Variants in BICD1 observed in about 807,000 individuals in gnomAD.
BICD1 encodes the protein protein bicaudal D homolog 1.
A neutral mutation model predicts 92.5 loss-of-function variants in BICD1; 35 were observed. That is an observed-to-expected ratio of 0.38 (90% confidence interval 0.29 to 0.50). BICD1 has a LOEUF of 0.50. Among genes scored for constraint, BICD1 ranks in the 20% least tolerant of loss-of-function variants. The pLI, the probability that BICD1 is intolerant of heterozygous loss-of-function variation, is 0.93. For missense variants in BICD1, 950 were observed against 1,189.8 expected (o/e 0.80, Z 2.97); for synonymous variants, 429 against 465.1 (o/e 0.92, Z 1.00).
intron 1 of BICD1, 64 bp from the exon 2 acceptor site, chr12:32,216,181 CAA>C: frequency 6.6e-7 from 1 of 1,521,714 alleles, no homozygotes; most frequent in Non-Finnish European, 9.0e-7. Flanking sequence ...AACATTTTCC[CAA>C]GTCTTAAAAG....
intron 5 of BICD1, among the ~76,000 whole-genome samples, chr12:32,329,446 A>G (rs75701507): frequency 0.013 from 2,018 of 152,298 alleles, 43 homozygotes; most frequent in African/African-American, 0.045. Context: ...CCAAACTTAG[A>G]GAAACAAGAG....
intron 2 of BICD1, among the ~76,000 whole-genome samples, chr12:32,256,924 A>G (rs182570252): frequency 6.6e-6 from 1 of 152,302 alleles, no homozygotes; most frequent in East Asian, 1.9e-4. Context: ...ATGATATAAA[A>G]TCTTTTCTGG....
chr12:32,312,506 C>G (rs1243531093), intron 4 of BICD1, among the ~76,000 whole-genome samples: 2 of 152,154 alleles, frequency 1.3e-5, no homozygotes, highest in Non-Finnish European at 2.9e-5. Flanking sequence ...AAGGTCCCCA[C>G]TATCCCTGTG....
chr12:32,148,418 C>G (rs1943182892), intron 1 of BICD1, among the ~76,000 whole-genome samples: 1 of 152,210 alleles, frequency 6.6e-6, no homozygotes, highest in African/African-American at 2.4e-5. Context: ...CTGTCCTTCT[C>G]TGACCTCTCG....
chr12:32,324,767 A>G (rs946392445), intron 4 of BICD1, among the ~76,000 whole-genome samples: 2 of 151,754 alleles, frequency 1.3e-5, no homozygotes, highest in East Asian at 3.9e-4. Flanking sequence ...TTTAGTAGAG[A>G]CGGGGTTTCA....
rs772125378 is a variant in BICD1 at position 32,327,760 on chromosome 12, G to A, written c.1305G>A (p.Lys435=). 6.2e-7 allele frequency: 1 copy of A among 1,614,090 alleles called. No homozygotes were observed. The highest frequency in any genetic ancestry group is 8.5e-7 in the Non-Finnish European group (1 of 1,180,016). ...TEVIDLKAEI[K]ALKEKYNKSV... ...TGATTGATCTGAAAGCTGAAATTAA[G>A]GCCTTAAAGGAGAAATATAATAAAT... Residue 435 remains lysine (K), a synonymous_variant, in exon 5 of 10, where the codon AAG becomes AAA. Coordinates refer to ENST00000652176, the MANE Select transcript of BICD1 (RefSeq NM_001714.4).
intron 1 of BICD1, among the ~76,000 whole-genome samples, chr12:32,114,004 G>A (rs967716684): frequency 6.6e-6 from 1 of 152,070 alleles, no homozygotes; most frequent in African/African-American, 2.4e-5. Context: ...CCTGTAGATG[G>A]GATTATAGGC....
chr12:32,279,294 A>G (rs995202599), intron 2 of BICD1, among the ~76,000 whole-genome samples: 2 of 152,222 alleles, frequency 1.3e-5, no homozygotes, highest in Non-Finnish European at 2.9e-5. Context: ...AATGTTCTAA[A>G]TTGATTGCGG....
At chr12:32,146,629 A>T (rs1393049473) in intron 1 of BICD1, among the ~76,000 whole-genome samples, 1 of 152,214 alleles carries the variant, frequency 6.6e-6, no homozygotes, top group Non-Finnish European at 1.5e-5. Flanking sequence ...AGAGGTACAG[A>T]TGGAGACCTA....
chr12:32,302,021 G>T (rs547365654), intron 3 of BICD1, among the ~76,000 whole-genome samples: 352 of 152,074 alleles, frequency 2.3e-3, no homozygotes, highest in African/African-American at 8.1e-3. Flanking sequence ...TGAGTAGCTG[G>T]GACTACATGC....
intron 1 of BICD1, among the ~76,000 whole-genome samples, chr12:32,173,339 C>T (rs1386601979): frequency 2.0e-5 from 3 of 152,174 alleles, no homozygotes; most frequent in Admixed American, 1.3e-4. Flanking sequence ...CCTGAGCCAC[C>T]GTGCCCGGCC....
At chr12:32,243,194 C>T (rs2136086095) in intron 2 of BICD1, among the ~76,000 whole-genome samples, 1 of 150,886 alleles carries the variant, frequency 6.6e-6, no homozygotes, top group East Asian at 1.9e-4. Flanking sequence ...ACCTCCCAGG[C>T]TCAAGAGATC....
At chr12:32,173,524 C>A in intron 1 of BICD1, among the ~76,000 whole-genome samples, 1 of 152,144 alleles carries the variant, frequency 6.6e-6, no homozygotes, top group Non-Finnish European at 1.5e-5. Flanking sequence ...CTGTAGCTTA[C>A]ATTGTGATCA....
rs1270117843 is a variant in BICD1, at chr12:32,339,618, T to C, written c.2764+639T>C. ...TTCCTTTCATTCTTTTTACTTGTTCTATGAAGAGGCCTAACTTGAAAATGT... is the reference window on the plus strand; with the variant it reads ...TTCCTTTCATTCTTTTTACTTGTTCCATGAAGAGGCCTAACTTGAAAATGT... On this transcript the variant is annotated intron_variant, in intron 8 of 9. Transcript: ENST00000652176. 3.0e-6 allele frequency: 3 copies of C among 985,244 alleles called. No homozygotes were observed. In the East Asian group the frequency reaches 3.4e-4, roughly 112 times the overall value. The allele number at this position is 985,244 out of a possible 1,614,324, so 61.0% of individuals were successfully genotyped here. A position where few individuals can be genotyped will look rare whatever the true frequency, so the allele number is the denominator to read the frequency against.
Position 32,239,653 on chromosome 12 carries a change from G to C in BICD1, c.426+23194G>C, listed in dbSNP as rs1343623676. Among the ~76,000 whole-genome samples, 3 of 151,718 alleles carry C rather than the reference G, an allele frequency of 2.0e-5. No individual in the cohort carries two copies. The East Asian group carries it at 5.9e-4, about 30-fold the overall frequency. On this transcript the variant is annotated intron_variant, in intron 2 of 9. Coordinates refer to ENST00000652176, the MANE Select transcript of BICD1 (RefSeq NM_001714.4). ...TTTTGCTCTTGTTGCCCAGCCTGGA[G>C]TGCAACAAGAGCTGGCATGATCTCA...
At chr12:32,236,488 C>T (rs114733860) in intron 2 of BICD1, among the ~76,000 whole-genome samples, 1,534 of 152,248 alleles carry the variant, frequency 0.01, 23 homozygotes, top group African/African-American at 0.028. Flanking sequence ...TCCCATCTTT[C>T]TCCTCCTCCT....
At chr12:32,208,243 C>T (rs1945119704) in intron 1 of BICD1, among the ~76,000 whole-genome samples, 1 of 152,186 alleles carries the variant, frequency 6.6e-6, no homozygotes, top group Non-Finnish European at 1.5e-5. Context: ...TTGCATTAAA[C>T]CCCAATGGAT....
chr12:32,263,963 A>G (rs1349248522), intron 2 of BICD1, among the ~76,000 whole-genome samples: 1 of 152,202 alleles, frequency 6.6e-6, no homozygotes, highest in African/African-American at 2.4e-5. Flanking sequence ...AACATCTGCA[A>G]GTAGAGTAGT....
At chr12:32,282,972 G>C (rs1947460525) in intron 2 of BICD1, among the ~76,000 whole-genome samples, 1 of 152,138 alleles carries the variant, frequency 6.6e-6, no homozygotes, top group South Asian at 2.1e-4. Flanking sequence ...GAATATAAAG[G>C]TTAAGGTTTG....
Sources: allele counts gnomAD v4.1 joint callset (sites outside exome capture counted in the v4.1 genomes callset), GRCh38; gene constraint gnomAD v4.1.1; transcripts MANE v1.5; gene names NCBI Gene and HGNC (gene_info 2026-07-23, HGNC 2026-07-21).